Variants in CREBBP observed in about 807,000 individuals in gnomAD.
The protein encoded by CREBBP is CREB binding lysine acetyltransferase, also known as CREB-binding protein.
Under a neutral mutation model 265.0 loss-of-function variants are expected in CREBBP, and 19 were observed. The observed-to-expected ratio is 0.07, with a 90% CI of 0.05 to 0.11. CREBBP has a LOEUF of 0.11. Among genes scored for constraint, CREBBP ranks in the 10% least tolerant of loss-of-function variants. The pLI is 1.00. For synonymous variants in CREBBP, 1,457 were observed against 1,223.7 expected (o/e 1.19, Z -3.98); for missense variants, 2,525 against 3,219.0 (o/e 0.78, Z 5.22).
chr16:3,864,333 T>C (rs1169841467), intron 1 of CREBBP, among the ~76,000 whole-genome samples: 1 of 151,904 alleles, frequency 6.6e-6, no homozygotes, highest in East Asian at 1.9e-4. Flanking sequence ...AAACAGAAAA[T>C]GAATGCCTTA....
At chr16:3,854,684 G>T (rs2054922884) in intron 1 of CREBBP, among the ~76,000 whole-genome samples, 1 of 152,176 alleles carries the variant, frequency 6.6e-6, no homozygotes, top group Non-Finnish European at 1.5e-5. Context: ...CAGGCATTGG[G>T]AATCTTTCTT....
At chr16:3,761,482 A>T (rs1044180302) in intron 16 of CREBBP, 1 of 508,604 alleles carries the variant, frequency 2.0e-6, no homozygotes, top group Non-Finnish European at 3.9e-6. Context: ...GGAAAAACCC[A>T]TGTGTTTAAC....
chr16:3,867,527 T>A (rs1431382502), intron 1 of CREBBP, among the ~76,000 whole-genome samples: 1 of 152,060 alleles, frequency 6.6e-6, no homozygotes, highest in Non-Finnish European at 1.5e-5. Context: ...TATTCCTATT[T>A]ATATAACATA....
intron 2 of CREBBP, among the ~76,000 whole-genome samples, chr16:3,828,458 A>G (rs1055008112): frequency 6.6e-6 from 1 of 152,266 alleles, no homozygotes; most frequent in African/African-American, 2.4e-5. Flanking sequence ...ATTAAGAGCC[A>G]TAACCCAATC....
At chr16:3,796,133 A>C (rs936288970) in intron 3 of CREBBP, among the ~76,000 whole-genome samples, 2 of 152,242 alleles carry the variant, frequency 1.3e-5, no homozygotes, top group African/African-American at 4.8e-5. Flanking sequence ...GAAATATCAC[A>C]TACCAAAAAA....
chr16:3,752,500 T>C (rs2052497210), intron 19 of CREBBP, among the ~76,000 whole-genome samples: 1 of 151,798 alleles, frequency 6.6e-6, no homozygotes, highest in Non-Finnish European at 1.5e-5. Flanking sequence ...TGTGTTACAA[T>C]ACAAATGAAA....
chr16:3,821,037 G>A (rs768216952), intron 2 of CREBBP, among the ~76,000 whole-genome samples: 10 of 152,126 alleles, frequency 6.6e-5, no homozygotes, highest in Non-Finnish European at 1.2e-4. Flanking sequence ...CAAAAACGAC[G>A]GGTCAAGGTC....
intron 5 of CREBBP, among the ~76,000 whole-genome samples, chr16:3,790,018 C>T (rs2053470810): frequency 2.0e-5 from 3 of 152,072 alleles, no homozygotes; most frequent in African/African-American, 7.2e-5. Flanking sequence ...CTCAAAAAGC[C>T]ACACCCCCAA....
At chr16:3,779,922 G>A (rs774370661) in intron 8 of CREBBP, among the ~76,000 whole-genome samples, 1 of 151,976 alleles carries the variant, frequency 6.6e-6, no homozygotes, top group East Asian at 1.9e-4. Flanking sequence ...TGGGTAACCT[G>A]GCAAGACTCC....
intron 1 of CREBBP, among the ~76,000 whole-genome samples, chr16:3,877,464 G>C (rs543589385): frequency 6.6e-6 from 1 of 152,298 alleles, no homozygotes; most frequent in Non-Finnish European, 1.5e-5. Flanking sequence ...GTGCAGTGGC[G>C]CGATCTTGGC....
intron 19 of CREBBP, 59 bp downstream of exon 19, chr16:3,757,229 A>G: frequency 1.5e-6 from 2 of 1,343,480 alleles, no homozygotes; most frequent in Admixed American, 1.9e-5. Context: ...TACACAGACT[A>G]TAACCAGATG....
chr16:3,791,658 T>C (rs2053510412), intron 5 of CREBBP, among the ~76,000 whole-genome samples: 1 of 152,216 alleles, frequency 6.6e-6, no homozygotes, highest in Non-Finnish European at 1.5e-5. Context: ...ATGGAGTAAC[T>C]GTCAGGAAAT....
intron 11 of CREBBP, 147 bp downstream of exon 11, chr16:3,777,466 T>G: frequency 1.2e-6 from 1 of 826,714 alleles, no homozygotes; most frequent in Admixed American, 1.9e-5. Flanking sequence ...CCATACTACC[T>G]GTAGAACTGA....
intron 13 of CREBBP, among the ~76,000 whole-genome samples, chr16:3,773,476 A>G (rs2053062992): frequency 6.6e-6 from 1 of 152,206 alleles, no homozygotes. Context: ...TAAGAAAACA[A>G]AAACTCAAAG....
At chr16:3,879,480 G>A (rs935040034) in intron 1 of CREBBP, among the ~76,000 whole-genome samples, 1 of 152,208 alleles carries the variant, frequency 6.6e-6, no homozygotes, top group African/African-American at 2.4e-5. Flanking sequence ...TCATTCCTCT[G>A]GACGGCCACG....
chr16:3,733,588 C>A (rs986174740), intron 28 of CREBBP, among the ~76,000 whole-genome samples: 2 of 152,134 alleles, frequency 1.3e-5, no homozygotes, highest in Non-Finnish European at 1.5e-5. Flanking sequence ...GGAGAAACTG[C>A]GTGCTGCAAT....
chr16:3,874,639 A>C (rs941641332), intron 1 of CREBBP, among the ~76,000 whole-genome samples: 1 of 152,192 alleles, frequency 6.6e-6, no homozygotes, highest in Admixed American at 6.5e-5. Flanking sequence ...ATAATAGGCT[A>C]AAAAGAGTTC....
intron 5 of CREBBP, among the ~76,000 whole-genome samples, chr16:3,786,005 G>C (rs2053378447): frequency 6.6e-6 from 1 of 152,212 alleles, no homozygotes; most frequent in African/African-American, 2.4e-5. Flanking sequence ...TTTTATAGCA[G>C]GCTCTTTCTC....
chr16:3,780,379 A>G (rs979249486), intron 8 of CREBBP, among the ~76,000 whole-genome samples: 2 of 152,148 alleles, frequency 1.3e-5, no homozygotes, highest in Non-Finnish European at 2.9e-5. Context: ...TGGAACTACA[A>G]AATAAGGTGA....
Sources: gnomAD v4.1 joint callset for allele counts (sites outside exome capture counted in the v4.1 genomes callset) on GRCh38, gnomAD v4.1.1 for gene constraint, MANE v1.5 for transcripts, NCBI Gene and HGNC (gene_info 2026-07-23, HGNC 2026-07-21) for gene names.